DIS3L2: variants seen among roughly 807,000 people sequenced by gnomAD.
DIS3L2 encodes DIS3-like exonuclease 2.
Under a neutral mutation model 97.5 loss-of-function variants are expected in DIS3L2, and 34 were observed. The observed-to-expected ratio is 0.35, with a 90% CI of 0.27 to 0.46. The LOEUF (loss-of-function observed/expected upper bound fraction) is 0.46. DIS3L2 is among the 20% of genes least tolerant of loss of function. DIS3L2 has a pLI of 1.00. For synonymous variants in DIS3L2, 435 were observed against 445.2 expected (o/e 0.98, Z 0.29); for missense variants, 1,038 against 1,146.0 (o/e 0.91, Z 1.36).
intron 3 of DIS3L2, among the ~76,000 whole-genome samples, chr2:232,020,259 A>G (rs1694475499): frequency 6.6e-6 from 1 of 152,210 alleles, no homozygotes; most frequent in Non-Finnish European, 1.5e-5. Context: ...AATCTGTTTC[A>G]TGCTTTGAAC....
In DIS3L2 at chr2:232,104,070, TTTTG is replaced by T. The variant is rs1474688831; in HGVS notation, c.601+16353_601+16356del. On this transcript the variant is annotated intron_variant, in intron 6 of 20. Transcript: ENST00000325385. ...TTTAATGGAAATAGATTTCTGCCAT[TTTTG>T]TTTATTATAAATAATTTCTACTGTT... Among the ~76,000 whole-genome samples, 6 of 152,266 alleles carry T rather than the reference TTTTG, an allele frequency of 3.9e-5. No individual in the cohort carries two copies. In the South Asian group the frequency reaches 1.2e-3, roughly 32 times the overall value.
At chr2:232,131,904 C>A in intron 7 of DIS3L2, 1 of 130,972 alleles carries the variant, frequency 7.6e-6, no homozygotes, top group Non-Finnish European at 1.5e-5. Flanking sequence ...TTTGTTTGAC[C>A]TGTGCAGTAT....
chr2:232,242,340 C>T lies in DIS3L2; in HGVS notation c.1317+3695C>T, dbSNP rs923039866. Among the ~76,000 whole-genome samples, 5 of 152,280 alleles carry T rather than the reference C, an allele frequency of 3.3e-5. No homozygotes were observed. The East Asian group carries it at 9.6e-4, about 29-fold the overall frequency. ...TGGGCTGCGATGGCCAATGGGTTATCGCACTGAAGGCCTGAGGGAGTGTGG... is the reference window on the plus strand; with the variant it reads ...TGGGCTGCGATGGCCAATGGGTTATTGCACTGAAGGCCTGAGGGAGTGTGG... On this transcript the variant is annotated intron_variant, in intron 11 of 20. Coordinates refer to ENST00000325385, the MANE Select transcript of DIS3L2 (RefSeq NM_152383.5).
At chr2:232,244,757 G>A (rs1485796414) in intron 11 of DIS3L2, among the ~76,000 whole-genome samples, 1 of 152,190 alleles carries the variant, frequency 6.6e-6, no homozygotes, top group Non-Finnish European at 1.5e-5. Context: ...GATTGGGAAG[G>A]CAGTCAGGTA....
rs1696592282 is a variant in DIS3L2 at position 232,086,311 on chromosome 2, A to G, written c.367-1176A>G. ...TATATGTATACATATATACATATGT[A>G]TATGTATATGCATATGCATATGTAT... is the stretch of plus-strand genomic sequence containing the variant. On this transcript the variant is annotated intron_variant, in intron 5 of 20. Coordinates refer to ENST00000325385, the MANE Select transcript of DIS3L2 (RefSeq NM_152383.5). Among the ~76,000 whole-genome samples the G allele has an allele frequency of 5.4e-5, 8 of 147,174 alleles. No homozygotes were observed. In the South Asian group the frequency reaches 1.7e-3, roughly 31 times the overall value.
At chr2:231,992,081 G>A (rs888673587) in intron 1 of DIS3L2, among the ~76,000 whole-genome samples, 4 of 152,170 alleles carry the variant, frequency 2.6e-5, no homozygotes, top group African/African-American at 7.2e-5. Flanking sequence ...CTGGACAGGC[G>A]TGAGACTGTT....
chr2:232,051,461 AAC>A (rs1695396945), intron 5 of DIS3L2, among the ~76,000 whole-genome samples: 1 of 152,204 alleles, frequency 6.6e-6, no homozygotes, highest in Admixed American at 6.5e-5. Flanking sequence ...GAAGACCAAA[AAC>A]ACAGGATGAA....
intron 3 of DIS3L2, among the ~76,000 whole-genome samples, chr2:232,018,937 G>A (rs767498161): frequency 4.1e-4 from 62 of 152,084 alleles, no homozygotes; most frequent in Admixed American, 1.3e-4. Flanking sequence ...CTCTTCATAG[G>A]TAGAGTACTG....
downstream of DIS3L2, among the ~76,000 whole-genome samples, chr2:232,339,305 G>A (rs779564695): frequency 2.8e-4 from 43 of 152,346 alleles, no homozygotes; most frequent in Non-Finnish European, 3.7e-4. Context: ...CAGAGGAGGC[G>A]AGGCCTCTGC....
intron 9 of DIS3L2, among the ~76,000 whole-genome samples, chr2:232,203,717 G>C: frequency 6.6e-6 from 1 of 152,206 alleles, no homozygotes. Context: ...AGTGGCTGTT[G>C]CCATCAGAGA....
intron 10 of DIS3L2, among the ~76,000 whole-genome samples, chr2:232,218,500 C>T (rs1030344007): frequency 6.6e-6 from 1 of 152,144 alleles, no homozygotes; most frequent in Non-Finnish European, 1.5e-5. Context: ...GTAATCTTAG[C>T]ACTTTGGGAG....
At chr2:232,291,921 TC>T (rs1694610937) in intron 13 of DIS3L2, among the ~76,000 whole-genome samples, 1 of 152,222 alleles carries the variant, frequency 6.6e-6, no homozygotes, top group African/African-American at 2.4e-5. Flanking sequence ...CCAGGACTTT[TC>T]CAAAGCCTCG....
At chr2:232,267,258 C>A (rs1693877331) in intron 13 of DIS3L2, among the ~76,000 whole-genome samples, 1 of 152,198 alleles carries the variant, frequency 6.6e-6, no homozygotes, top group Admixed American at 6.5e-5. Flanking sequence ...TATCCTAGAA[C>A]TGTGGTGGGA....
Position 232,249,232 on chromosome 2 carries a change from T to C in DIS3L2, c.1318-7T>C, listed in dbSNP as rs1208354153. On this transcript the variant is annotated splice_region_variant and splice_polypyrimidine_tract_variant and intron_variant, in intron 11 of 20. Transcript: ENST00000325385. Reference sequence around the variant, plus strand: ...AAGGTGCTCATGGGCCTGTGCTCTATTTACAGGTGGTCCCCATGCTTCCCA... The same window carrying C: ...AAGGTGCTCATGGGCCTGTGCTCTACTTACAGGTGGTCCCCATGCTTCCCA... 6.2e-7 allele frequency: 1 copy of C among 1,613,506 alleles called. No individual in the cohort carries two copies. The highest frequency in any genetic ancestry group is 8.5e-7 in the Non-Finnish European group (1 of 1,179,922).
At chr2:232,062,898 G>T (rs1212064952) in intron 5 of DIS3L2, among the ~76,000 whole-genome samples, 3 of 151,154 alleles carry the variant, frequency 2.0e-5, no homozygotes, top group Non-Finnish European at 4.4e-5. Context: ...TTTTCACATG[G>T]ATATCTCCAA....
chr2:232,257,084 G>A (rs1179007496), intron 12 of DIS3L2, among the ~76,000 whole-genome samples: 4 of 152,206 alleles, frequency 2.6e-5, no homozygotes, highest in African/African-American at 7.2e-5. Flanking sequence ...AAGAGAAAGC[G>A]AGCATTCTGC....
At chr2:232,147,862 G>T (rs1270914155) in intron 8 of DIS3L2, among the ~76,000 whole-genome samples, 1 of 152,084 alleles carries the variant, frequency 6.6e-6, no homozygotes, top group Non-Finnish European at 1.5e-5. Flanking sequence ...ACCTACCAAA[G>T]AATTCTGGTT....
At chr2:232,174,478 C>T (rs993225149) in intron 9 of DIS3L2, among the ~76,000 whole-genome samples, 17 of 149,756 alleles carry the variant, frequency 1.1e-4, no homozygotes, top group African/African-American at 4.2e-4. Context: ...CCCAGCTACT[C>T]AGGAGGCTGA....
intron 14 of DIS3L2, among the ~76,000 whole-genome samples, chr2:232,305,461 TG>T (rs748680486): frequency 1.3e-5 from 2 of 152,218 alleles, no homozygotes; most frequent in Non-Finnish European, 2.9e-5. Flanking sequence ...TTAATTTTTT[TG>T]GTGTCCTAGT....
Sources: allele counts gnomAD v4.1 joint callset (sites outside exome capture counted in the v4.1 genomes callset), GRCh38; gene constraint gnomAD v4.1.1; transcripts MANE v1.5; gene names NCBI Gene and HGNC (gene_info 2026-07-23, HGNC 2026-07-21).